The following UNC13B variants were observed in gnomAD, a reference collection of about 807,000 sequenced individuals.
UNC13B encodes the protein unc-13 homolog B.
Under a neutral mutation model 211.0 loss-of-function variants are expected in UNC13B, and 144 were observed. The observed-to-expected ratio is 0.68, with a 90% CI of 0.60 to 0.78. UNC13B has a LOEUF of 0.78. Among genes scored for constraint, UNC13B ranks in the 30% least tolerant of loss-of-function variants. The pLI is 0.00. For synonymous variants in UNC13B, 709 were observed against 725.8 expected, an observed-to-expected ratio of 0.98 and a Z score of 0.37; for missense variants, 1,777 against 2,002.0, an observed-to-expected ratio of 0.89 and a Z score of 2.14.
rs140697287 is a variant in UNC13B, at chr9:35,398,196, C to T, written c.11755-15C>T. ...GAAAGGAGCCAAGACTCAACAGCTA[C>T]ATCTGTCCCCAAAGCCCTGCATCCT... is the stretch of plus-strand genomic sequence containing the variant. On this transcript the variant is annotated splice_polypyrimidine_tract_variant and intron_variant, in intron 30 of 39. Transcript: ENST00000635942. The T allele has an allele frequency of 2.9e-4, 462 of 1,611,212 alleles. No individual in the cohort carries two copies. The African/African-American group carries it at 5.5e-3, about 19-fold the overall frequency.
rs1191922774 is a variant in UNC13B, at chr9:35,377,532, G to T, written c.9900G>T (p.Met3300Ile). 6.2e-7 allele frequency: 1 copy of T among 1,614,244 alleles called. No homozygotes were observed. Among genetic ancestry groups the T allele is most frequent in the African/African-American group, 1.3e-5 (1 of 75,070 alleles). Reference protein sequence around the residue: ...EDRTQNIIMAMKDRMKIRERN... With the variant: ...EDRTQNIIMAIKDRMKIRERN... The stretch of plus-strand genomic sequence containing the variant: ...GGACCCAGAACATTATCATGGCCAT[G>T]AAGGACCGCATGAAGATCCGAGAGC... Residue 3300 changes from methionine to isoleucine, a missense_variant, in exon 16 of 40, where the codon ATG becomes ATT. Transcript: ENST00000635942.
chr9:35,197,828 A>G (rs1479642777), intron 1 of UNC13B, among the ~76,000 whole-genome samples: 1 of 152,070 alleles, frequency 6.6e-6, no homozygotes, highest in Non-Finnish European at 1.5e-5. Flanking sequence ...CCATGATCCT[A>G]AGTTTCCTGA....
chr9:35,180,373 C>T (rs1286507950), intron 1 of UNC13B, among the ~76,000 whole-genome samples: 1 of 152,000 alleles, frequency 6.6e-6, no homozygotes, highest in African/African-American at 2.4e-5. Context: ...ATATCTAAGA[C>T]TTTTGAGAAA....
At chr9:35,198,183 A>T (rs1823050907) in intron 1 of UNC13B, among the ~76,000 whole-genome samples, 1 of 152,124 alleles carries the variant, frequency 6.6e-6, no homozygotes, top group Non-Finnish European at 1.5e-5. Context: ...CCAGTTTTGG[A>T]GGTGGAGCCT....
At chr9:35,339,435 A>T (rs1057279469) in intron 11 of UNC13B, among the ~76,000 whole-genome samples, 1 of 152,224 alleles carries the variant, frequency 6.6e-6, no homozygotes, top group Non-Finnish European at 1.5e-5. Context: ...CCAAAGAGCT[A>T]GTCCACTGAG....
At position 35,187,144 on chromosome 9, in the gene UNC13B, A is replaced by C. The variant is rs1340600253; in HGVS notation, c.22+24839A>C. On this transcript the variant is annotated intron_variant, in intron 1 of 39. Coordinates refer to ENST00000635942, the MANE Select transcript of UNC13B (RefSeq NM_001371189.2). ...TAAAGTGAGTATAGCAATTCCTGCA[A>C]GTGTGGTACAGTAGATAATTTCCAT... is the stretch of plus-strand genomic sequence containing the variant. 2.0e-5 allele frequency among the ~76,000 whole-genome samples: 3 copies of C among 152,232 alleles called. No homozygotes were observed. In the East Asian group the frequency reaches 5.8e-4, roughly 29 times the overall value.
rs1194167071 is a variant in UNC13B, at chr9:35,353,314, G to A, written c.9415-13633G>A. ...TTCACCACTTTCGTTCTGCTCTGCA[G>A]GGTGTGTTTCAGAAGCTGGAGAACA... On this transcript the variant is annotated intron_variant, in intron 11 of 39. Transcript: ENST00000635942. 5.7e-6 allele frequency: 7 copies of A among 1,232,118 alleles called. No homozygotes were observed. The Admixed American group carries it at 3.0e-4, about 52-fold the overall frequency. 76.3% of individuals were successfully genotyped at this position (1,232,118 alleles called of 1,614,324 possible).
intron 1 of UNC13B, among the ~76,000 whole-genome samples, chr9:35,183,700 T>A (rs1390652803): frequency 4.6e-5 from 4 of 86,476 alleles, no homozygotes; most frequent in Non-Finnish European, 8.9e-5. Flanking sequence ...ACGGGGCAGC[T>A]GGGCAGAGGC....
intron 6 of UNC13B, among the ~76,000 whole-genome samples, chr9:35,252,184 T>G (rs1178349977): frequency 6.6e-6 from 1 of 152,190 alleles, no homozygotes; most frequent in Non-Finnish European, 1.5e-5. Flanking sequence ...GTGATAGAGG[T>G]GATGTTAAAA....
chr9:35,389,752 T>G (rs1835410374), intron 24 of UNC13B, 94 bp from the exon 25 acceptor site: 1 of 1,372,114 alleles, frequency 7.3e-7, no homozygotes, highest in Non-Finnish European at 1.0e-6. Flanking sequence ...GGAAGAGGTA[T>G]AGGAAGGGGA....
At chr9:35,385,342 G>GA (rs2132279743) in intron 22 of UNC13B, 1 of 985,428 alleles carries the variant, frequency 1.0e-6, no homozygotes, top group East Asian at 1.1e-4. Context: ...TATATTCCAG[G>GA]ATATACAGTT....
At chr9:35,298,547 T>C (rs1298407538) in intron 8 of UNC13B, among the ~76,000 whole-genome samples, 1 of 152,202 alleles carries the variant, frequency 6.6e-6, no homozygotes, top group Non-Finnish European at 1.5e-5. Context: ...CTTGAATTCC[T>C]GGGTTCAAGT....
chr9:35,317,282 C>T (rs1032430324), intron 11 of UNC13B, among the ~76,000 whole-genome samples: 4 of 152,006 alleles, frequency 2.6e-5, no homozygotes, highest in African/African-American at 7.3e-5. Flanking sequence ...CTCACTGCAG[C>T]GTCAACCTCC....
chr9:35,205,797 A>G (rs1823611131), intron 1 of UNC13B, among the ~76,000 whole-genome samples: 1 of 152,200 alleles, frequency 6.6e-6, no homozygotes. Context: ...TTCATTCATC[A>G]GTTGATGGAC....
chr9:35,317,704 T>TTTTTTAA (rs1373903741), intron 11 of UNC13B, among the ~76,000 whole-genome samples: 3 of 148,598 alleles, frequency 2.0e-5, no homozygotes, highest in African/African-American at 7.4e-5. Context: ...TTTTTTTTTT[T>TTTTTTAA]TTTTTAATTT....
At chr9:35,296,533 C>G (rs1829367495) in intron 8 of UNC13B, among the ~76,000 whole-genome samples, 1 of 152,134 alleles carries the variant, frequency 6.6e-6, no homozygotes, top group African/African-American at 2.4e-5. Context: ...ATGTATCCTT[C>G]CATAGACTGT....
chr9:35,284,593 C>T lies in UNC13B; in HGVS notation c.527-11103C>T, dbSNP rs183515549. ...ATTTTTCTATCTATATCACAAGTAA[C>T]GTTGGTGAATAGTTTTTTGTTATTC... On this transcript the variant is annotated intron_variant, in intron 7 of 39. Coordinates refer to ENST00000635942, the MANE Select transcript of UNC13B (RefSeq NM_001371189.2). Among the ~76,000 whole-genome samples the T allele has an allele frequency of 1.6e-3, 249 of 152,200 alleles. 1 individual carries two copies. The highest frequency in any genetic ancestry group is 7.5e-3 in the South Asian group (36 of 4,822).
intron 6 of UNC13B, among the ~76,000 whole-genome samples, chr9:35,247,314 T>C (rs1362614587): frequency 7.9e-5 from 12 of 152,142 alleles, no homozygotes; most frequent in Admixed American, 6.6e-4. Flanking sequence ...GACAATTTGA[T>C]TTCCTCTTTT....
chr9:35,397,657 A>T lies in UNC13B; in HGVS notation c.11699A>T (p.Gln3900Leu). The T allele has an allele frequency of 6.2e-7, 1 of 1,613,946 alleles. No homozygotes were observed. The highest frequency in any genetic ancestry group is 8.5e-7 in the Non-Finnish European group (1 of 1,179,964). Residue 3900 changes from glutamine to leucine, a missense_variant, in exon 30 of 40, where the codon CAG becomes CTG. Transcript: ENST00000635942. ...CAGACCATCGGGAAGGTGCTGATGC[A>T]GTATGCAGACATCTTGTCAAAGGAC... The part of the protein sequence containing the change: ...FAKTIGKVLM[Q>L]YADILSKDFP...
Sources: gnomAD v4.1 joint callset for allele counts (sites outside exome capture counted in the v4.1 genomes callset) on GRCh38, gnomAD v4.1.1 for gene constraint, MANE v1.5 for transcripts, NCBI Gene and HGNC (gene_info 2026-07-23, HGNC 2026-07-21) for gene names.